DIAPH2: variants seen among roughly 807,000 people sequenced by gnomAD.
DIAPH2 encodes protein diaphanous homolog 2.
DIAPH2 carries 35 observed loss-of-function variants against 92.7 expected under a neutral mutation model. That is an observed-to-expected ratio of 0.38 (90% CI 0.29 to 0.50). The LOEUF is 0.50. Ranked by LOEUF, DIAPH2 falls within the 20% of genes least tolerant of loss-of-function variation. DIAPH2 has a pLI of 0.94. For missense variants in DIAPH2, 701 were observed against 819.5 expected (o/e 0.86, Z 1.77); for synonymous variants, 301 against 280.4 (o/e 1.07, Z -0.73).
At position 97,245,310 on chromosome X, in the gene DIAPH2, T is replaced by G. The variant is rs748466551; in HGVS notation, c.2720-2405T>G. ...TAACCACCGCACCCAGCTTGCTTAT[T>G]TATTTATTTATTTATTTATTTAAGG... On this transcript the variant is annotated intron_variant, in intron 22 of 26. Coordinates refer to ENST00000324765, the MANE Select transcript of DIAPH2 (RefSeq NM_006729.5). Among the ~76,000 whole-genome samples, 147 of 106,247 alleles carry G rather than the reference T, an allele frequency of 1.4e-3. 1 individual carries two copies. Among genetic ancestry groups the G allele is most frequent in the African/African-American group, 5.0e-3 (138 of 27,488 alleles). 92.3% of individuals were successfully genotyped at this position (106,247 alleles called of 115,157 possible).
chrX:97,107,682 T>G (rs754500184), intron 20 of DIAPH2, among the ~76,000 whole-genome samples: 2 of 112,272 alleles, frequency 1.8e-5, no homozygotes, highest in Non-Finnish European at 3.8e-5. Context: ...ATGATCATTC[T>G]TTTTGTTATA....
chrX:97,092,291 A>G (rs2066831559), intron 19 of DIAPH2, among the ~76,000 whole-genome samples: 1 of 112,971 alleles, frequency 8.9e-6, no homozygotes, highest in South Asian at 3.6e-4. Flanking sequence ...CTGTAAATTG[A>G]CAGTTCCTCT....
intron 4 of DIAPH2, among the ~76,000 whole-genome samples, chrX:96,804,400 C>T (rs915129021): frequency 8.9e-6 from 1 of 111,750 alleles, no homozygotes; most frequent in African/African-American, 3.3e-5. Flanking sequence ...TCCCAACATT[C>T]CCCATTCTCC....
chrX:96,749,707 T>C (rs182863612), intron 3 of DIAPH2, among the ~76,000 whole-genome samples: 1 of 111,912 alleles, frequency 8.9e-6, no homozygotes, highest in Non-Finnish European at 1.9e-5. Flanking sequence ...AATTGGACTT[T>C]AATAAATGGG....
chrX:97,278,535 A>G (rs189403422), intron 23 of DIAPH2, among the ~76,000 whole-genome samples: 2 of 111,400 alleles, frequency 1.8e-5, no homozygotes, highest in Admixed American at 1.9e-4. Context: ...TGATGTCTCC[A>G]TAATTTTGCC....
intron 22 of DIAPH2, among the ~76,000 whole-genome samples, chrX:97,229,484 T>C (rs2067990973): frequency 9.0e-6 from 1 of 111,534 alleles, no homozygotes; most frequent in African/African-American, 3.3e-5. Flanking sequence ...TTGATGAGAC[T>C]TGGTGACTGG....
At chrX:96,698,037 A>G (rs761458230) in intron 1 of DIAPH2, among the ~76,000 whole-genome samples, 20 of 108,073 alleles carry the variant, frequency 1.9e-4, no homozygotes, top group African/African-American at 5.3e-4. Flanking sequence ...ACCACTGGGG[A>G]AAAAAAAAAT....
chrX:97,311,775 A>G (rs2068795730), intron 23 of DIAPH2, among the ~76,000 whole-genome samples: 1 of 111,293 alleles, frequency 9.0e-6, no homozygotes, highest in Admixed American at 9.6e-5. Context: ...CTACAAAGGC[A>G]GTCTAGTCTC....
At chrX:96,686,893 ATC>A (rs1204527487) in intron 1 of DIAPH2, among the ~76,000 whole-genome samples, 2 of 111,679 alleles carry the variant, frequency 1.8e-5, no homozygotes, top group African/African-American at 6.5e-5. Context: ...TATGTTAATA[ATC>A]TCTGAACTAG....
At chrX:96,930,950 T>TGTAAA in intron 10 of DIAPH2, 107 bp downstream of exon 10, 1 of 869,487 alleles carries the variant, frequency 1.2e-6, no homozygotes, top group South Asian at 3.4e-5. Flanking sequence ...TATTTTGTTT[T>TGTAAA]GTAAAGCATT....
chrX:97,443,086 A>G (rs747375961), intron 26 of DIAPH2, among the ~76,000 whole-genome samples: 8 of 109,679 alleles, frequency 7.3e-5, no homozygotes, highest in Non-Finnish European at 1.1e-4. Flanking sequence ...ATTTTTTTGT[A>G]GACAGAGTCT....
intron 23 of DIAPH2, among the ~76,000 whole-genome samples, chrX:97,345,630 AC>A (rs2069150011): frequency 8.9e-6 from 1 of 112,099 alleles, no homozygotes; most frequent in Non-Finnish European, 1.9e-5. Context: ...TATGCCCCAG[AC>A]TGCACCATTA....
chrX:97,594,386 GCATAAATAAAAC>G (rs1217227593), intron 26 of DIAPH2, among the ~76,000 whole-genome samples: 2 of 112,200 alleles, frequency 1.8e-5, no homozygotes, highest in Non-Finnish European at 3.8e-5. Context: ...ACAGAGAAAA[GCATAAATAAAAC>G]CATTTTGGAC....
intron 20 of DIAPH2, among the ~76,000 whole-genome samples, chrX:97,105,588 C>G (rs1214024992): frequency 8.9e-6 from 1 of 111,840 alleles, no homozygotes; most frequent in African/African-American, 3.3e-5. Context: ...AGCTTTTAGA[C>G]TCTTCTGAGT....
intron 5 of DIAPH2, among the ~76,000 whole-genome samples, chrX:96,905,731 C>T (rs1218845205): frequency 8.9e-6 from 1 of 111,970 alleles, no homozygotes; most frequent in Admixed American, 9.5e-5. Flanking sequence ...TAAAAATTCT[C>T]TCCCCCTCAC....
intron 17 of DIAPH2, among the ~76,000 whole-genome samples, chrX:96,982,435 C>G (rs2066003621): frequency 8.9e-6 from 1 of 112,247 alleles, no homozygotes; most frequent in South Asian, 3.7e-4. Flanking sequence ...TGATAACTTG[C>G]TTCTGGCAAT....
At chrX:96,748,140 T>A (rs1196715527) in intron 3 of DIAPH2, among the ~76,000 whole-genome samples, 1 of 112,345 alleles carries the variant, frequency 8.9e-6, no homozygotes, top group Non-Finnish European at 1.9e-5. Context: ...TTTAAAAACT[T>A]GGCTCTGTTC....
At chrX:97,019,353 T>C (rs908872489) in intron 17 of DIAPH2, among the ~76,000 whole-genome samples, 1 of 111,224 alleles carries the variant, frequency 9.0e-6, no homozygotes, top group Non-Finnish European at 1.9e-5. Flanking sequence ...TTAATAGAAT[T>C]GAACTAATCA....
intron 5 of DIAPH2, among the ~76,000 whole-genome samples, chrX:96,887,181 C>T (rs1225759509): frequency 8.9e-6 from 1 of 111,807 alleles, no homozygotes; most frequent in Non-Finnish European, 1.9e-5. Flanking sequence ...GATATAATGT[C>T]AGTGGAAATA....
Sources: allele counts gnomAD v4.1 joint callset (sites outside exome capture counted in the v4.1 genomes callset), GRCh38; gene constraint gnomAD v4.1.1; transcripts MANE v1.5; gene names NCBI Gene and HGNC (gene_info 2026-07-23, HGNC 2026-07-21).